Variants in ARL15 observed in about 807,000 individuals in gnomAD.
The protein encoded by ARL15 is ARF like GTPase 15.
In ARL15, 19 loss-of-function variants were observed where a neutral mutation model predicts 25.2. The observed-to-expected ratio is 0.75, with a 90% CI of 0.53 to 1.10. ARL15 has a LOEUF of 1.10. Ranked by LOEUF, ARL15 falls within the 50% of genes least tolerant of loss-of-function variation. ARL15 has a pLI of 0.00. For missense variants in ARL15, 220 were observed against 246.0 expected (o/e 0.89, Z 0.71); for synonymous variants, 94 against 86.8 (o/e 1.08, Z -0.46).
chr5:54,244,613 A>T (rs1309354083), intron 1 of ARL15, among the ~76,000 whole-genome samples: 2 of 152,202 alleles, frequency 1.3e-5, no homozygotes, highest in Non-Finnish European at 2.9e-5. Context: ...TCCTGTTATA[A>T]ATATAAAGTA....
At chr5:54,117,678 A>G (rs1245815422) in intron 3 of ARL15, among the ~76,000 whole-genome samples, 2 of 152,184 alleles carry the variant, frequency 1.3e-5, no homozygotes, top group African/African-American at 4.8e-5. Context: ...AAGCACTTGT[A>G]CAACTGTTTG....
chr5:54,289,922 T>A (rs1205622417), intron 1 of ARL15, among the ~76,000 whole-genome samples: 1 of 152,200 alleles, frequency 6.6e-6, no homozygotes, highest in Admixed American at 6.5e-5. Context: ...ATTTGCATAA[T>A]GGGGCCCCAC....
intron 4 of ARL15, among the ~76,000 whole-genome samples, chr5:54,112,544 G>C (rs1455394830): frequency 6.6e-6 from 1 of 152,172 alleles, no homozygotes; most frequent in Non-Finnish European, 1.5e-5. Flanking sequence ...TATAATTTAA[G>C]TTTTAAAAAC....
Position 54,114,406 on chromosome 5 carries a change from G to GAA in ARL15, c.254-998_254-997dup, listed in dbSNP as rs1171369744. Among the ~76,000 whole-genome samples the GAA allele has an allele frequency of 1.5e-4, 11 of 74,474 alleles. 1 individual carries two copies. Among genetic ancestry groups the GAA allele is most frequent in the South Asian group, 1.4e-3 (2 of 1,404 alleles). 48.9% of individuals were successfully genotyped at this position (74,474 alleles called of 152,430 possible). The stretch of plus-strand genomic sequence containing the variant: ...GCAACACAGCAAGGCTCCATCTCAA[G>GAA]AAAAAAAAAAAAAAAAGCAACACCA... On this transcript the variant is annotated intron_variant, in intron 3 of 4. Coordinates refer to ENST00000504924, the MANE Select transcript of ARL15 (RefSeq NM_019087.3).
At chr5:54,158,767 G>A (rs538656223) in intron 2 of ARL15, among the ~76,000 whole-genome samples, 12 of 152,300 alleles carry the variant, frequency 7.9e-5, no homozygotes, top group Admixed American at 2.6e-4. Context: ...CAGCTACTTG[G>A]GAGGCTGAGG....
intron 4 of ARL15, among the ~76,000 whole-genome samples, chr5:53,945,117 G>A (rs1349812009): frequency 1.3e-5 from 2 of 152,126 alleles, no homozygotes; most frequent in East Asian, 1.9e-4. Flanking sequence ...CAGCTTCCTC[G>A]TCTCTACTCA....
At chr5:54,225,210 A>T (rs1317458669) in intron 1 of ARL15, among the ~76,000 whole-genome samples, 2 of 152,152 alleles carry the variant, frequency 1.3e-5, no homozygotes, top group Non-Finnish European at 2.9e-5. Flanking sequence ...GAAACTCAAA[A>T]TTTCAGTCAG....
intron 1 of ARL15, among the ~76,000 whole-genome samples, chr5:54,180,680 A>G (rs537899169): frequency 2.5e-4 from 38 of 152,364 alleles, no homozygotes; most frequent in Non-Finnish European, 1.0e-4. Context: ...CTTCTGGCCA[A>G]TACATCACAC....
intron 4 of ARL15, among the ~76,000 whole-genome samples, chr5:54,012,516 TATTTC>T (rs1246896612): frequency 6.6e-6 from 1 of 151,878 alleles, no homozygotes; most frequent in Non-Finnish European, 1.5e-5. Context: ...CAAAAAATAA[TATTTC>T]TTTTCTTTTT....
chr5:54,167,814 A>G (rs2112389625), intron 2 of ARL15, among the ~76,000 whole-genome samples: 1 of 152,196 alleles, frequency 6.6e-6, no homozygotes, highest in East Asian at 1.9e-4. Flanking sequence ...ACGATGGTCT[A>G]CCCCTCAATT....
At chr5:54,255,791 G>T (rs910229493) in intron 1 of ARL15, among the ~76,000 whole-genome samples, 2 of 152,190 alleles carry the variant, frequency 1.3e-5, no homozygotes, top group East Asian at 3.9e-4. Context: ...CAAATACCTG[G>T]AAATTAAACA....
At chr5:53,939,689 C>A (rs1437588745) in intron 4 of ARL15, among the ~76,000 whole-genome samples, 1 of 151,870 alleles carries the variant, frequency 6.6e-6, no homozygotes, top group Non-Finnish European at 1.5e-5. Flanking sequence ...GAGCCGAGAT[C>A]CCGCTACTGC....
chr5:53,907,476 ATATATATATATATTTTTT>A (rs1205513688), intron 4 of ARL15, among the ~76,000 whole-genome samples: 3 of 25,112 alleles, frequency 1.2e-4, no homozygotes, highest in East Asian at 8.4e-4. Context: ...ATATATATAT[ATATATATATATATTTTTT>A]TTTTTTTTTT....
chr5:54,174,648 A>G (rs555931194), intron 1 of ARL15, among the ~76,000 whole-genome samples: 2 of 152,322 alleles, frequency 1.3e-5, no homozygotes, highest in Admixed American at 1.3e-4. Flanking sequence ...ATTAATGACC[A>G]TAACTACTAA....
chr5:54,171,115 A>C (rs1225285691), intron 2 of ARL15, among the ~76,000 whole-genome samples: 2 of 152,112 alleles, frequency 1.3e-5, no homozygotes, highest in African/African-American at 4.8e-5. Context: ...GACACTGAAA[A>C]CATTTTGGGC....
At chr5:53,906,219 T>G (rs927921151) in intron 4 of ARL15, among the ~76,000 whole-genome samples, 1 of 152,224 alleles carries the variant, frequency 6.6e-6, no homozygotes, top group African/African-American at 2.4e-5. Flanking sequence ...ACACCAAATA[T>G]GTAGTAACCT....
At chr5:53,901,159 TCTC>T (rs1322600653) in intron 4 of ARL15, among the ~76,000 whole-genome samples, 2 of 152,164 alleles carry the variant, frequency 1.3e-5, no homozygotes, top group African/African-American at 4.8e-5. Flanking sequence ...CTTTTTCTCC[TCTC>T]CTCCTTTCCT....
chr5:53,914,677 T>C (rs3776740), intron 4 of ARL15, among the ~76,000 whole-genome samples: 142,856 of 152,334 alleles, frequency 0.94, 67,542 homozygotes, highest in Non-Finnish European at 1. Context: ...TGGAGCAAGG[T>C]CTGAAGTGAG....
intron 1 of ARL15, among the ~76,000 whole-genome samples, chr5:54,174,346 C>A (rs1462851961): frequency 6.6e-6 from 1 of 152,162 alleles, no homozygotes; most frequent in African/African-American, 2.4e-5. Context: ...CGCTTCAATG[C>A]CATTAGTTAG....
Sources: allele counts gnomAD v4.1 joint callset (sites outside exome capture counted in the v4.1 genomes callset), GRCh38; gene constraint gnomAD v4.1.1; transcripts MANE v1.5; gene names NCBI Gene and HGNC (gene_info 2026-07-23, HGNC 2026-07-21).